The following COL18A1 variants were observed in gnomAD, a reference collection of about 807,000 sequenced individuals.
COL18A1 encodes collagen alpha-1(XVIII) chain.
COL18A1 carries 133 observed loss-of-function variants against 168.0 expected under a neutral mutation model. That is an observed-to-expected ratio of 0.79 (90% confidence interval 0.69 to 0.91). The LOEUF is 0.91. COL18A1 is among the 40% of genes least tolerant of loss of function. The pLI is 0.00. For missense variants in COL18A1, 2,126 were observed against 1,925.4 expected, an observed-to-expected ratio of 1.10 and a Z score of -1.95; for synonymous variants, 949 against 809.0, an observed-to-expected ratio of 1.17 and a Z score of -2.94.
intron 33 of COL18A1, 147 bp downstream of exon 33, chr21:45,504,201 G>A (rs544338951): frequency 2.9e-5 from 29 of 1,004,422 alleles, no homozygotes; most frequent in Admixed American, 1.2e-4. Context: ...TGTCGAGGGC[G>A]TCCCTCAGGA....
At chr21:45,487,382 C>A (rs1660183396) in intron 16 of COL18A1, 65 bp from the exon 17 acceptor site, 1 of 1,590,600 alleles carries the variant, frequency 6.3e-7, no homozygotes, top group Non-Finnish European at 8.6e-7. Context: ...GCAGTGCCAC[C>A]CCAGGGAGGG....
rs2034858257 is a variant in COL18A1, at chr21:45,457,101, G to T, written c.107-11141G>T. 6.6e-6 allele frequency among the ~76,000 whole-genome samples: 1 copy of T among 152,144 alleles called. No homozygotes were observed. The highest frequency in any genetic ancestry group is 2.4e-5 in the African/African-American group (1 of 41,434). On this transcript the variant is annotated intron_variant, in intron 2 of 41. Transcript: ENST00000651438. This position sits in a 1 kb window ranked among gnomAD's most constrained non-coding sequence, Gnocchi z 4.6. ...GAGGGCTGGATGAACCGCAGCCGAT[G>T]TGTCCAGGTGCCACCTGGGCCTGGA...
rs9975166 is a variant in COL18A1, at chr21:45,511,090, T to G, written c.3694-21T>G. On this transcript the variant is annotated intron_variant, in intron 40 of 41. Transcript: ENST00000651438. ...CACACCCCCACACACCACACACACA[T>G]ACACACGGTTTCTCTTCCAGGACGA... 2.6e-6 allele frequency: 3 copies of G among 1,172,024 alleles called. No individual in the cohort carries two copies. In the African/African-American group the frequency reaches 5.1e-5, roughly 20 times the overall value. 72.6% of individuals were successfully genotyped at this position (1,172,024 alleles called of 1,614,324 possible).
At chr21:45,453,173 GT>G (rs1569297046) in intron 2 of COL18A1, among the ~76,000 whole-genome samples, 3 of 152,158 alleles carry the variant, frequency 2.0e-5, no homozygotes, top group African/African-American at 7.2e-5. Flanking sequence ...ATGTATGTGT[GT>G]GTGATTGTGT....
chr21:45,450,443 A>G (rs1015488956), intron 2 of COL18A1, among the ~76,000 whole-genome samples: 2 of 152,220 alleles, frequency 1.3e-5, no homozygotes, highest in African/African-American at 2.4e-5. Flanking sequence ...TGACGATTGA[A>G]CAGCCCGGAG....
chr21:45,482,635 G>C (rs1313560967), intron 14 of COL18A1, among the ~76,000 whole-genome samples, 160 bp from the exon 15 acceptor site: 1 of 152,210 alleles, frequency 6.6e-6, no homozygotes, highest in Non-Finnish European at 1.5e-5. Context: ...CACCAGAAAG[G>C]GGGGATGACA....
chr21:45,488,074 G>T (rs1238152042), intron 17 of COL18A1, among the ~76,000 whole-genome samples: 1 of 152,094 alleles, frequency 6.6e-6, no homozygotes, highest in Non-Finnish European at 1.5e-5. Flanking sequence ...CTCTCGTGGC[G>T]CCAGCATGGA....
rs985423727 is a variant in COL18A1, at chr21:45,455,343, C to G, written c.107-12899C>G. On this transcript the variant is annotated intron_variant, in intron 2 of 41. Transcript: ENST00000651438. ...TATAAATCCTTGGGTGCTGGAACCC[C>G]CGGGTGCTGGGCACCTTGATTCCAA... The G allele has an allele frequency of 2.9e-5, 22 of 758,634 alleles. No individual in the cohort carries two copies. The East Asian group carries it at 5.9e-4, about 20-fold the overall frequency. The allele number at this position is 758,634 out of a possible 1,614,324, so 47.0% of individuals were successfully genotyped here. A position where few individuals can be genotyped will look rare whatever the true frequency, so the allele number is the denominator to read the frequency against.
At chr21:45,439,067 C>T (rs1012296675) in intron 2 of COL18A1, among the ~76,000 whole-genome samples, 8 of 152,260 alleles carry the variant, frequency 5.3e-5, no homozygotes, top group Non-Finnish European at 7.3e-5. Flanking sequence ...TCATCACCCG[C>T]ATCTGACCCC....
chr21:45,494,511 C>A (rs1456276904), intron 26 of COL18A1, 34 bp from the exon 27 acceptor site: 2 of 1,613,140 alleles, frequency 1.2e-6, no homozygotes, highest in Admixed American at 1.7e-5. Context: ...GCACAAGCTG[C>A]CACCTAACCC....
intron 8 of COL18A1, 135 bp from the exon 9 acceptor site, chr21:45,478,192 G>C (rs145366447): frequency 2.2e-5 from 25 of 1,159,032 alleles, no homozygotes; most frequent in Non-Finnish European, 3.1e-5. Flanking sequence ...CTCCTGGCGC[G>C]GGTGCGAGGA....
At chr21:45,444,159 C>T (rs1025995501) in intron 2 of COL18A1, among the ~76,000 whole-genome samples, 5 of 152,244 alleles carry the variant, frequency 3.3e-5, no homozygotes, top group African/African-American at 1.2e-4. Context: ...CCATGTGACA[C>T]ATTCGCTCCA....
At chr21:45,475,198 C>G (rs1721960067) in intron 4 of COL18A1, among the ~76,000 whole-genome samples, 1 of 152,206 alleles carries the variant, frequency 6.6e-6, no homozygotes. Flanking sequence ...CGTTCCCCCT[C>G]CCGCCTCCGC....
At chr21:45,489,606 C>T (rs977650340) in intron 19 of COL18A1, 85 bp downstream of exon 19, 11 of 840,430 alleles carry the variant, frequency 1.3e-5, no homozygotes, top group African/African-American at 5.2e-5. Flanking sequence ...CAGCTCGGGG[C>T]GGCCTTCCCC....
chr21:45,478,265 A>T, intron 8 of COL18A1, 62 bp from the exon 9 acceptor site: 1 of 1,608,194 alleles, frequency 6.2e-7, no homozygotes. Flanking sequence ...TTCCATGTAG[A>T]CACTGTAGGT....
intron 31 of COL18A1, among the ~76,000 whole-genome samples, chr21:45,497,311 G>A (rs2036577476): frequency 6.6e-6 from 1 of 152,226 alleles, no homozygotes; most frequent in South Asian, 2.1e-4. Flanking sequence ...CCCATTTGCT[G>A]TTCTCCGTTG....
Position 45,418,739 on chromosome 21 carries a change from G to GGAA in COL18A1, c.106+13267_106+13268insAAG, listed in dbSNP as rs1449554827. ...CTCACGTCACTTCCTGGGGTCTCAG[G>GGAA]GCAGCGGCACCTCCTCAGGGGCCTC... On this transcript the variant is annotated intron_variant, in intron 2 of 41. Coordinates refer to ENST00000651438, the MANE Select transcript of COL18A1 (RefSeq NM_001379500.1). Among the ~76,000 whole-genome samples, 228 of 150,534 alleles carry GGAA rather than the reference G, an allele frequency of 1.5e-3. 42 individuals carry two copies. The highest frequency in any genetic ancestry group is 2.1e-3 in the South Asian group (10 of 4,734).
chr21:45,489,597 A>ACC (rs2036228117), intron 19 of COL18A1, 76 bp downstream of exon 19: 1 of 986,732 alleles, frequency 1.0e-6, no homozygotes. Context: ...TGCGGAGATC[A>ACC]GCTCGGGGCG....
chr21:45,441,143 C>G (rs1037596319), intron 2 of COL18A1, among the ~76,000 whole-genome samples: 6 of 152,180 alleles, frequency 3.9e-5, no homozygotes, highest in African/African-American at 1.4e-4. Context: ...TGGGCGGAAT[C>G]TGCTGCAGCT....
Sources: allele counts gnomAD v4.1 joint callset (sites outside exome capture counted in the v4.1 genomes callset), GRCh38; gene constraint gnomAD v4.1.1; non-coding constraint Gnocchi (gnomAD v3.1); transcripts MANE v1.5; gene names NCBI Gene and HGNC (gene_info 2026-07-23, HGNC 2026-07-21).